Variants in COL4A1 observed in about 807,000 individuals in gnomAD.
COL4A1 encodes the protein collagen type IV alpha 1 chain.
A neutral mutation model predicts 216.6 loss-of-function variants in COL4A1; 40 were observed. The observed-to-expected ratio is 0.18, with a 90% CI of 0.14 to 0.24. The LOEUF is 0.24. Among genes scored for constraint, COL4A1 ranks in the 10% least tolerant of loss-of-function variants. COL4A1 has a pLI of 1.00. For missense variants in COL4A1, 1,628 were observed against 2,196.8 expected (o/e 0.74, Z 5.18); for synonymous variants, 839 against 810.7 (o/e 1.03, Z -0.59).
chr13:110,238,384 A>C (rs145131678), intron 2 of COL4A1, among the ~76,000 whole-genome samples: 4 of 152,344 alleles, frequency 2.6e-5, no homozygotes, highest in African/African-American at 9.6e-5. Context: ...GCTGGTCCCA[A>C]GAGCTGTTTT....
Position 110,213,820 on chromosome 13 carries a change from T to C in COL4A1, c.241A>G (p.Thr81Ala), listed in dbSNP as rs909463574. The C allele has an allele frequency of 2.5e-6, 4 of 1,613,966 alleles. No individual in the cohort carries two copies. Among genetic ancestry groups the C allele is most frequent in the Non-Finnish European group, 3.4e-6 (4 of 1,179,970 alleles). ...PQGPPGQKGD[T>A]GEPGLPGTKG... ...GTTCCAGGTAGTCCTGGTTCTCCAGTATCACCCTGGAACAGAATAGAAATG... is the reference window on the plus strand; with the variant it reads ...GTTCCAGGTAGTCCTGGTTCTCCAGCATCACCCTGGAACAGAATAGAAATG... Residue 81 changes from threonine (T) to alanine (A), a missense_variant, in exon 4 of 52, where the codon ACT (threonine) becomes GCT (alanine). By Grantham distance (58) the Thr-to-Ala change is moderately conservative. Coordinates refer to ENST00000375820, the MANE Select transcript of COL4A1 (RefSeq NM_001845.6).
chr13:110,296,075 C>T (rs1211587250), intron 1 of COL4A1, among the ~76,000 whole-genome samples: 2 of 152,242 alleles, frequency 1.3e-5, no homozygotes, highest in East Asian at 3.8e-4. Context: ...GCACTCTGCC[C>T]TATTAAACTA....
intron 24 of COL4A1, among the ~76,000 whole-genome samples, chr13:110,190,409 A>G (rs146011797): frequency 1.4e-4 from 22 of 152,312 alleles, no homozygotes; most frequent in Non-Finnish European, 2.2e-4. Flanking sequence ...GTTGGTTTCA[A>G]TTCATCCTCC....
chr13:110,288,302 G>C (rs1389804924), intron 1 of COL4A1, among the ~76,000 whole-genome samples: 1 of 150,010 alleles, frequency 6.7e-6, no homozygotes, highest in African/African-American at 2.4e-5. Context: ...TAATAATTAA[G>C]CCTGAGCGCA....
chr13:110,160,224 T>C lies in COL4A1; in HGVS notation c.4640+968A>G, dbSNP rs1053647388. On this transcript the variant is annotated intron_variant, in intron 49 of 51. Coordinates refer to ENST00000375820, the MANE Select transcript of COL4A1 (RefSeq NM_001845.6). The stretch of plus-strand genomic sequence containing the variant: ...TTGGGAGGCCGAGGCGGGTGGATCA[T>C]GAGGTCAGGAGATCGAGACCATCCT... Among the ~76,000 whole-genome samples the C allele has an allele frequency of 1.2e-3, 147 of 119,298 alleles. 7 individuals are homozygous for C. In the South Asian group the frequency reaches 0.019, roughly 16 times the overall value. The allele number at this position is 119,298 out of a possible 152,430, so 78.3% of individuals were successfully genotyped here.
intron 20 of COL4A1, among the ~76,000 whole-genome samples, chr13:110,199,909 A>G (rs1452395659): frequency 6.6e-6 from 1 of 152,248 alleles, no homozygotes; most frequent in African/African-American, 2.4e-5. Flanking sequence ...GGGTAGAGTC[A>G]GAGTTTTTAC....
chr13:110,260,293 A>G (rs1882763174), intron 1 of COL4A1, among the ~76,000 whole-genome samples: 2 of 152,082 alleles, frequency 1.3e-5, no homozygotes, highest in Non-Finnish European at 2.9e-5. Flanking sequence ...AACCGTCGCA[A>G]CTCTTGAGAC....
intron 1 of COL4A1, among the ~76,000 whole-genome samples, chr13:110,275,392 C>T (rs776257870): frequency 1.3e-5 from 2 of 152,156 alleles, no homozygotes; most frequent in South Asian, 4.1e-4. Flanking sequence ...AAACCCAGAA[C>T]AGTGACAATA....
intron 23 of COL4A1, 32 bp from the exon 24 acceptor site, chr13:110,192,316 C>T (rs759252181): frequency 6.3e-7 from 1 of 1,599,264 alleles, no homozygotes; most frequent in South Asian, 1.1e-5. Context: ...AAGACAGCAA[C>T]ACAGCATTCA....
chr13:110,240,914 G>A (rs1256941166), intron 2 of COL4A1, among the ~76,000 whole-genome samples: 1 of 152,204 alleles, frequency 6.6e-6, no homozygotes, highest in Non-Finnish European at 1.5e-5. Flanking sequence ...CTGTCGCCTA[G>A]GCTAGAGTGC....
intron 24 of COL4A1, among the ~76,000 whole-genome samples, chr13:110,188,384 A>C (rs1217346425): frequency 6.6e-6 from 1 of 152,232 alleles, no homozygotes; most frequent in Non-Finnish European, 1.5e-5. Flanking sequence ...GGACAGACCA[A>C]CATTTGCCCA....
At chr13:110,190,707 G>C (rs1878589450) in intron 24 of COL4A1, 1 of 152,076 alleles carries the variant, frequency 6.6e-6, no homozygotes, top group African/African-American at 2.4e-5. Flanking sequence ...TTCAAATACA[G>C]CTTCCAATAA....
intron 29 of COL4A1, among the ~76,000 whole-genome samples, chr13:110,179,784 T>A (rs1223837152): frequency 6.6e-6 from 1 of 152,202 alleles, no homozygotes; most frequent in African/African-American, 2.4e-5. Flanking sequence ...ATGCCAAATA[T>A]GATTTGTGAG....
chr13:110,198,354 G>A lies in COL4A1; in HGVS notation c.1285+113C>T, dbSNP rs532155253. 30 of 1,108,350 alleles carry A rather than the reference G, an allele frequency of 2.7e-5. No individual in the cohort carries two copies. The Admixed American group carries it at 4.0e-4, about 15-fold the overall frequency. 68.7% of individuals were successfully genotyped at this position (1,108,350 alleles called of 1,614,324 possible). A position where few individuals can be genotyped will look rare whatever the true frequency, so the allele number is the denominator to read the frequency against. ...AATATGGATGATTAGAAGAATCCAC[G>A]CCTTTCTATTACACTCTGGCTGTGG... is the stretch of plus-strand genomic sequence containing the variant. On this transcript the variant is annotated intron_variant, in intron 21 of 51. Coordinates refer to ENST00000375820, the MANE Select transcript of COL4A1 (RefSeq NM_001845.6).
intron 10 of COL4A1, 67 bp downstream of exon 10, chr13:110,209,913 T>C: frequency 6.5e-7 from 1 of 1,544,488 alleles, no homozygotes; most frequent in Admixed American, 1.7e-5. Flanking sequence ...AATTATTATT[T>C]ATTTTCAAAC....
intron 40 of COL4A1, among the ~76,000 whole-genome samples, chr13:110,173,127 A>G (rs936131185): frequency 3.3e-5 from 5 of 152,226 alleles, no homozygotes; most frequent in Non-Finnish European, 7.3e-5. Flanking sequence ...GGGGAAAGCC[A>G]AAGAGATTTG....
At chr13:110,226,325 T>C (rs4142040) in intron 2 of COL4A1, among the ~76,000 whole-genome samples, 30,352 of 152,246 alleles carry the variant, frequency 0.2, 3,229 homozygotes, top group East Asian at 0.31. Context: ...AACATTCCAT[T>C]TATTCTGTCA....
At chr13:110,298,896 G>A (rs942320641) in intron 1 of COL4A1, 1 of 152,466 alleles carries the variant, frequency 6.6e-6, no homozygotes. Context: ...CCGAAGAGGG[G>A]AGAAAGCCAC....
intron 1 of COL4A1, among the ~76,000 whole-genome samples, chr13:110,247,305 A>C (rs1048434454): frequency 6.6e-6 from 1 of 152,208 alleles, no homozygotes; most frequent in Non-Finnish European, 1.5e-5. Context: ...ACACGCACAC[A>C]TAACTTCAAT....
Sources: allele counts gnomAD v4.1 joint callset (sites outside exome capture counted in the v4.1 genomes callset), GRCh38; gene constraint gnomAD v4.1.1; transcripts MANE v1.5; gene names NCBI Gene and HGNC (gene_info 2026-07-23, HGNC 2026-07-21).